Variants in APP observed in about 807,000 individuals in gnomAD.
APP encodes amyloid-beta precursor protein.
In APP, 31 loss-of-function variants were observed where a neutral mutation model predicts 101.4. The observed-to-expected ratio is 0.31, with a 90% CI of 0.23 to 0.41. The LOEUF (loss-of-function observed/expected upper bound fraction) is 0.41. Among genes scored for constraint, APP ranks in the 10% least tolerant of loss-of-function variants. The probability of loss-of-function intolerance (pLI) is 1.00; values close to 1 mark genes in which losing one functional copy is unlikely to be tolerated. For missense variants in APP, 839 were observed against 1,003.7 expected (o/e 0.84, Z 2.22); for synonymous variants, 366 against 364.4 (o/e 1.00, Z -0.05).
At chr21:25,927,345 A>G (rs201533296) in intron 13 of APP, among the ~76,000 whole-genome samples, 7 of 152,170 alleles carry the variant, frequency 4.6e-5, no homozygotes, top group Admixed American at 1.3e-4. Context: ...AATGGCCAGA[A>G]GTTTCACCAA....
intron 7 of APP, among the ~76,000 whole-genome samples, chr21:25,999,308 A>T (rs2043179742): frequency 6.6e-6 from 1 of 152,134 alleles, no homozygotes; most frequent in Non-Finnish European, 1.5e-5. Context: ...AACAAAAAAA[A>T]TAAAATTATG....
chr21:25,993,028 G>A (rs1230298131), intron 8 of APP, among the ~76,000 whole-genome samples: 2 of 152,188 alleles, frequency 1.3e-5, no homozygotes, highest in African/African-American at 4.8e-5. Context: ...CAACGACCCT[G>A]GGGTTAAGGT....
intron 6 of APP, among the ~76,000 whole-genome samples, chr21:26,007,865 C>G (rs2043606937): frequency 1.3e-5 from 2 of 152,084 alleles, no homozygotes; most frequent in Admixed American, 1.3e-4. Context: ...GAAAATTACT[C>G]TAATAAGGCA....
chr21:26,100,718 G>A (rs556363230), intron 2 of APP, among the ~76,000 whole-genome samples: 1 of 152,322 alleles, frequency 6.6e-6, no homozygotes, highest in Non-Finnish European at 1.5e-5. Context: ...GCACTGCTGT[G>A]CTTTGTTTGC....
chr21:25,918,088 TGTTA>T (rs1026942397), intron 13 of APP, among the ~76,000 whole-genome samples: 8 of 152,022 alleles, frequency 5.3e-5, no homozygotes, highest in African/African-American at 1.9e-4. Context: ...TTGGTGAGAG[TGTTA>T]GTTCAACCGT....
intron 5 of APP, among the ~76,000 whole-genome samples, chr21:26,040,439 T>G (rs1290432616): frequency 6.6e-6 from 1 of 151,924 alleles, no homozygotes; most frequent in African/African-American, 2.4e-5. Context: ...TCGTCTCTAC[T>G]AAAAATACAA....
intron 17 of APP, among the ~76,000 whole-genome samples, chr21:25,887,474 T>C (rs1016554697): frequency 2.0e-5 from 3 of 148,166 alleles, no homozygotes; most frequent in Non-Finnish European, 4.4e-5. Flanking sequence ...TCTCTGGCCT[T>C]ATGGCTAAGT....
intron 3 of APP, among the ~76,000 whole-genome samples, chr21:26,077,827 T>C (rs775321216): frequency 1.1e-4 from 16 of 148,156 alleles, no homozygotes; most frequent in South Asian, 8.6e-4. Context: ...CACCAACAAG[T>C]TGAAATTTAT....
chr21:26,111,921 T>A (rs2062333271), intron 2 of APP, 58 bp downstream of exon 2: 3 of 1,598,580 alleles, frequency 1.9e-6, no homozygotes, highest in Admixed American at 1.7e-5. Context: ...AAGTTAAATT[T>A]TTTGAAAACA....
At chr21:25,882,840 A>G (rs1189076788) in intron 17 of APP, among the ~76,000 whole-genome samples, 1 of 152,220 alleles carries the variant, frequency 6.6e-6, no homozygotes, top group Non-Finnish European at 1.5e-5. Flanking sequence ...GATATTTCCT[A>G]GAATGGGCTG....
At chr21:25,899,758 G>C (rs1461800137) in intron 15 of APP, among the ~76,000 whole-genome samples, 1 of 152,206 alleles carries the variant, frequency 6.6e-6, no homozygotes, top group Non-Finnish European at 1.5e-5. Flanking sequence ...ACTAATGCTT[G>C]TTGTTTTAAG....
intron 2 of APP, among the ~76,000 whole-genome samples, chr21:26,108,909 A>T (rs1232469746): frequency 6.6e-6 from 1 of 152,132 alleles, no homozygotes; most frequent in Non-Finnish European, 1.5e-5. Flanking sequence ...AAAAAAGAAA[A>T]AAATAAATAG....
intron 14 of APP, among the ~76,000 whole-genome samples, chr21:25,909,629 G>A (rs1258805499): frequency 6.6e-6 from 1 of 152,176 alleles, no homozygotes; most frequent in East Asian, 1.9e-4. Flanking sequence ...TTTCTCCTAA[G>A]GCTGATGCAA....
chr21:25,894,672 T>G (rs2037914363), intron 16 of APP, among the ~76,000 whole-genome samples: 1 of 152,238 alleles, frequency 6.6e-6, no homozygotes, highest in Admixed American at 6.5e-5. Flanking sequence ...CTCTTATGGA[T>G]GAGCAAAGAA....
At chr21:26,137,978 A>C (rs2830084) in intron 1 of APP, among the ~76,000 whole-genome samples, 78,521 of 151,916 alleles carry the variant, frequency 0.52, 21,118 homozygotes, top group African/African-American at 0.67. Context: ...TAAGAAGGGT[A>C]TCATAGGTAT....
chr21:25,897,724 A>G (rs372012316), intron 15 of APP, 51 bp from the exon 16 acceptor site: 162 of 1,460,106 alleles, frequency 1.1e-4, no homozygotes, highest in Admixed American at 2.7e-4. Flanking sequence ...AGTTTTACTC[A>G]TAAATAATAA....
intron 1 of APP, among the ~76,000 whole-genome samples, chr21:26,163,047 G>A (rs1278086912): frequency 7.1e-6 from 1 of 140,852 alleles, no homozygotes; most frequent in Non-Finnish European, 1.5e-5. Flanking sequence ...GGCCAATGTA[G>A]TGAAACCCTG....
chr21:25,933,011 T>C (rs534882325), intron 13 of APP, among the ~76,000 whole-genome samples: 16 of 152,238 alleles, frequency 1.1e-4, no homozygotes, highest in Non-Finnish European at 1.6e-4. Flanking sequence ...GATGTGCATA[T>C]TTTCAGATTA....
At chr21:26,115,668 A>G (rs569855370) in intron 1 of APP, among the ~76,000 whole-genome samples, 1 of 152,286 alleles carries the variant, frequency 6.6e-6, no homozygotes, top group South Asian at 2.1e-4. Flanking sequence ...AATGATACAC[A>G]GGGTCCTATT....
Sources: gnomAD v4.1 joint callset for allele counts (sites outside exome capture counted in the v4.1 genomes callset) on GRCh38, gnomAD v4.1.1 for gene constraint, MANE v1.5 for transcripts, NCBI Gene and HGNC (gene_info 2026-07-23, HGNC 2026-07-21) for gene names.